The following SORCS1 variants were observed in gnomAD, a reference collection of about 807,000 sequenced individuals.
The protein encoded by SORCS1 is sortilin related VPS10 domain containing receptor 1.
A neutral mutation model predicts 146.1 loss-of-function variants in SORCS1; 60 were observed. That is an observed-to-expected ratio of 0.41 (90% CI 0.33 to 0.51). The LOEUF is 0.51. Ranked by LOEUF, SORCS1 falls within the 20% of genes least tolerant of loss-of-function variation. SORCS1 has a pLI of 0.21. For missense variants in SORCS1, 1,352 were observed against 1,487.6 expected (o/e 0.91, Z 1.50); for synonymous variants, 637 against 584.0 (o/e 1.09, Z -1.31).
chr10:107,040,547 C>T (rs562005760), intron 1 of SORCS1, among the ~76,000 whole-genome samples: 90 of 152,240 alleles, frequency 5.9e-4, no homozygotes, highest in African/African-American at 2.1e-3. Flanking sequence ...GTATGTAAAG[C>T]CAATCTTTAG....
intron 3 of SORCS1, among the ~76,000 whole-genome samples, chr10:106,817,005 G>T (rs975762705): frequency 6.6e-6 from 1 of 152,150 alleles, no homozygotes; most frequent in East Asian, 1.9e-4. Flanking sequence ...TGGGCCCAAG[G>T]AACAAAGACA....
intron 1 of SORCS1, among the ~76,000 whole-genome samples, chr10:106,970,571 A>G (rs1955734238): frequency 6.6e-6 from 1 of 151,818 alleles, no homozygotes; most frequent in African/African-American, 2.4e-5. Context: ...TGGACTCCTG[A>G]TCTCAGGTGA....
At chr10:106,759,265 A>T (rs186620668) in intron 5 of SORCS1, among the ~76,000 whole-genome samples, 43 of 152,324 alleles carry the variant, frequency 2.8e-4, no homozygotes, top group Admixed American at 2.5e-3. Flanking sequence ...AATCAAGAGG[A>T]GATACTTTCA....
intron 1 of SORCS1, among the ~76,000 whole-genome samples, chr10:106,973,286 C>T (rs565504775): frequency 1.3e-5 from 2 of 152,240 alleles, no homozygotes; most frequent in East Asian, 3.9e-4. Context: ...ACCTCTATTC[C>T]AAGTGGGAAC....
intron 2 of SORCS1, among the ~76,000 whole-genome samples, chr10:106,839,917 A>G (rs1056602586): frequency 2.6e-4 from 40 of 152,304 alleles, no homozygotes; most frequent in African/African-American, 8.7e-4. Context: ...TGGATATTTT[A>G]AGCCCATTAT....
At chr10:107,146,323 A>G (rs1488202431) in intron 1 of SORCS1, among the ~76,000 whole-genome samples, 1 of 150,690 alleles carries the variant, frequency 6.6e-6, no homozygotes, top group African/African-American at 2.5e-5. Flanking sequence ...GACAACCAGC[A>G]CTCCACCTAT....
At chr10:106,581,994 G>A (rs1311314154) in intron 24 of SORCS1, among the ~76,000 whole-genome samples, 1 of 152,154 alleles carries the variant, frequency 6.6e-6, no homozygotes, top group East Asian at 1.9e-4. Context: ...CAGAATACCA[G>A]TGATATGAAG....
intron 2 of SORCS1, among the ~76,000 whole-genome samples, chr10:106,921,724 T>C (rs1481707504): frequency 1.3e-5 from 2 of 152,054 alleles, no homozygotes; most frequent in African/African-American, 2.4e-5. Context: ...ATAAAAACAA[T>C]AGGAAACTAT....
chr10:107,014,285 AG>A (rs1957808288), intron 1 of SORCS1, among the ~76,000 whole-genome samples: 5 of 146,420 alleles, frequency 3.4e-5, no homozygotes, highest in African/African-American at 1.3e-4. Context: ...AAAGAAAAAA[AG>A]AGAGAGAGAG....
chr10:106,753,074 GAA>G (rs796542801), intron 5 of SORCS1, among the ~76,000 whole-genome samples: 2 of 142,804 alleles, frequency 1.4e-5, no homozygotes, highest in Non-Finnish European at 1.5e-5. Flanking sequence ...GAGTATCTTG[GAA>G]AAAAAAAAAG....
chr10:106,720,762 C>T (rs939879565), intron 6 of SORCS1, among the ~76,000 whole-genome samples: 1 of 152,002 alleles, frequency 6.6e-6, no homozygotes, highest in Non-Finnish European at 1.5e-5. Flanking sequence ...TTTGTTCTCT[C>T]AGCCTCAGCA....
At chr10:106,995,916 C>A (rs1956976138) in intron 1 of SORCS1, among the ~76,000 whole-genome samples, 1 of 152,078 alleles carries the variant, frequency 6.6e-6, no homozygotes, top group South Asian at 2.1e-4. Flanking sequence ...AAAAGCACCA[C>A]TTTTTACAGA....
intron 10 of SORCS1, among the ~76,000 whole-genome samples, chr10:106,683,196 A>G (rs1391981765): frequency 6.6e-6 from 1 of 152,348 alleles, no homozygotes; most frequent in Non-Finnish European, 1.5e-5. Context: ...CTTTTAACCA[A>G]TAAAATACTT....
At chr10:107,142,925 C>T (rs973152949) in intron 1 of SORCS1, among the ~76,000 whole-genome samples, 9 of 152,182 alleles carry the variant, frequency 5.9e-5, no homozygotes, top group Admixed American at 3.3e-4. Flanking sequence ...GCACAGGCCT[C>T]CCTGTATGTA....
chr10:107,106,427 G>C (rs1205336031), intron 1 of SORCS1, among the ~76,000 whole-genome samples: 19 of 152,126 alleles, frequency 1.2e-4, no homozygotes, highest in Non-Finnish European at 4.4e-5. Flanking sequence ...CTTTTATTTT[G>C]GGTCAAACCA....
At chr10:106,955,393 T>C (rs1954889550) in intron 2 of SORCS1, among the ~76,000 whole-genome samples, 1 of 152,208 alleles carries the variant, frequency 6.6e-6, no homozygotes, top group Non-Finnish European at 1.5e-5. Context: ...CTGGCGCACC[T>C]GGCTTGCCCT....
intron 2 of SORCS1, among the ~76,000 whole-genome samples, chr10:106,833,967 G>A (rs931436099): frequency 2.0e-5 from 3 of 152,004 alleles, no homozygotes; most frequent in African/African-American, 7.2e-5. Context: ...CTAATGTTTT[G>A]TATTTTTAGT....
At chr10:106,891,747 C>A (rs2137902688) in intron 2 of SORCS1, among the ~76,000 whole-genome samples, 1 of 152,208 alleles carries the variant, frequency 6.6e-6, no homozygotes, top group South Asian at 2.1e-4. Flanking sequence ...AAGGAATCAG[C>A]ATCAAAGAAG....
chr10:107,025,545 A>G (rs1323555193), intron 1 of SORCS1, among the ~76,000 whole-genome samples: 1 of 152,238 alleles, frequency 6.6e-6, no homozygotes, highest in African/African-American at 2.4e-5. Flanking sequence ...GTGTATTTGC[A>G]TATAGAGAAG....
Sources: gnomAD v4.1 joint callset for allele counts (sites outside exome capture counted in the v4.1 genomes callset) on GRCh38, gnomAD v4.1.1 for gene constraint, MANE v1.5 for transcripts, NCBI Gene and HGNC (gene_info 2026-07-23, HGNC 2026-07-21) for gene names.